Variants in RBFOX1 observed in about 807,000 individuals in gnomAD.
The protein encoded by RBFOX1 is RNA binding fox-1 homolog 1.
Under a neutral mutation model 57.7 loss-of-function variants are expected in RBFOX1, and 8 were observed. The observed-to-expected ratio is 0.14, with a 90% CI of 0.08 to 0.25. The LOEUF is 0.25. Among genes scored for constraint, RBFOX1 ranks in the 10% least tolerant of loss-of-function variants. RBFOX1 has a pLI of 1.00. For missense variants in RBFOX1, 611 were observed against 548.5 expected, an observed-to-expected ratio of 1.11 and a Z score of -1.14; for synonymous variants, 326 against 222.4, an observed-to-expected ratio of 1.47 and a Z score of -4.15.
Position 6,548,950 on chromosome 16 carries a change from C to T in RBFOX1, c.-63-105653C>T, listed in dbSNP as rs957468620. Among the ~76,000 whole-genome samples, 67 of 150,910 alleles carry T rather than the reference C, an allele frequency of 4.4e-4. 1 individual carries two copies. The highest frequency in any genetic ancestry group is 6.9e-3 in the Middle Eastern group (2 of 290). On this transcript the variant is annotated intron_variant, in intron 2 of 15. Transcript: ENST00000550418. The stretch of plus-strand genomic sequence containing the variant: ...AATTAGCTGGGCATGGTGGCGGCGC[C>T]TGTAATCCCAGGTACTCAAGTGGCT...
chr16:6,942,795 C>G (rs988123066), intron 3 of RBFOX1, among the ~76,000 whole-genome samples: 2 of 152,168 alleles, frequency 1.3e-5, no homozygotes, highest in Non-Finnish European at 2.9e-5. Flanking sequence ...TATATATTGT[C>G]TCCAAGTCAT....
chr16:6,602,417 G>A (rs1475879350), intron 2 of RBFOX1, among the ~76,000 whole-genome samples: 1 of 152,152 alleles, frequency 6.6e-6, no homozygotes, highest in African/African-American at 2.4e-5. Context: ...TCTGAGTATA[G>A]GATGGTCTCT....
chr16:6,162,405 G>A (rs2096886406), intron 1 of RBFOX1, among the ~76,000 whole-genome samples: 1 of 152,166 alleles, frequency 6.6e-6, no homozygotes, highest in Non-Finnish European at 1.5e-5. Flanking sequence ...GTGAGCCACT[G>A]CACCTGGCCC....
At chr16:7,670,466 G>A (rs543757350) in intron 13 of RBFOX1, among the ~76,000 whole-genome samples, 3 of 152,296 alleles carry the variant, frequency 2.0e-5, no homozygotes, top group African/African-American at 4.8e-5. Flanking sequence ...AAGTCATTGC[G>A]CTAGTTGAGC....
At chr16:5,395,242 C>A (rs1203136089) in intron 1 of RBFOX1, among the ~76,000 whole-genome samples, 1 of 152,252 alleles carries the variant, frequency 6.6e-6, no homozygotes, top group Non-Finnish European at 1.5e-5. Flanking sequence ...ACTAACTCTT[C>A]CTTGAAGGCC....
At chr16:5,358,732 C>T (rs527914358) in intron 1 of RBFOX1, among the ~76,000 whole-genome samples, 1 of 152,272 alleles carries the variant, frequency 6.6e-6, no homozygotes, top group African/African-American at 2.4e-5. Flanking sequence ...GAGGTTGAGG[C>T]AGGAGAATCG....
intron 3 of RBFOX1, among the ~76,000 whole-genome samples, chr16:6,718,376 C>A (rs566765239): frequency 6.6e-6 from 1 of 152,108 alleles, no homozygotes; most frequent in African/African-American, 2.4e-5. Flanking sequence ...AAGGAAGTAA[C>A]TCTAGCTGAA....
intron 1 of RBFOX1, among the ~76,000 whole-genome samples, chr16:6,214,506 GA>G (rs1844666923): frequency 7.7e-6 from 1 of 129,982 alleles, no homozygotes; most frequent in Non-Finnish European, 1.6e-5. Flanking sequence ...GGGAGAGAGG[GA>G]AAAGTGGAGA....
At chr16:5,742,546 C>T (rs974279579) in intron 3 of RBFOX1, among the ~76,000 whole-genome samples, 7 of 152,164 alleles carry the variant, frequency 4.6e-5, no homozygotes, top group South Asian at 4.1e-4. Context: ...TTGCATCCTC[C>T]GGTGCCATAA....
chr16:6,811,279 A>G (rs1167031147), intron 3 of RBFOX1, among the ~76,000 whole-genome samples: 3 of 152,254 alleles, frequency 2.0e-5, no homozygotes, highest in African/African-American at 7.2e-5. Flanking sequence ...AAAAGAAGAG[A>G]AATAGAATTA....
At chr16:6,158,752 T>G (rs1341161387) in intron 1 of RBFOX1, among the ~76,000 whole-genome samples, 3 of 152,200 alleles carry the variant, frequency 2.0e-5, no homozygotes, top group African/African-American at 7.2e-5. Context: ...TTTCTGCATT[T>G]AAATATTATG....
chr16:7,080,044 ATATATATATACATAT>A (rs1173926835), intron 4 of RBFOX1, among the ~76,000 whole-genome samples: 3 of 144,858 alleles, frequency 2.1e-5, no homozygotes, highest in Non-Finnish European at 1.5e-5. Context: ...ATATAGATGT[ATATATATATACATAT>A]TATATATATA....
intron 2 of RBFOX1, among the ~76,000 whole-genome samples, chr16:5,536,829 A>G (rs933118187): frequency 4.6e-5 from 7 of 152,184 alleles, no homozygotes; most frequent in Non-Finnish European, 1.5e-5. Flanking sequence ...GAGTTGGTCA[A>G]CAGACAGCAG....
intron 1 of RBFOX1, among the ~76,000 whole-genome samples, chr16:5,427,011 C>T (rs915011863): frequency 3.3e-5 from 5 of 152,120 alleles, no homozygotes; most frequent in Non-Finnish European, 5.9e-5. Context: ...GCCCTCAGCA[C>T]CCAGCTCCTT....
At chr16:6,785,982 C>G (rs138242516) in intron 3 of RBFOX1, among the ~76,000 whole-genome samples, 1 of 152,170 alleles carries the variant, frequency 6.6e-6, no homozygotes, top group South Asian at 2.1e-4. Flanking sequence ...GACCATCCTT[C>G]CAAATAGCTG....
chr16:7,216,776 C>T (rs2092122482), intron 4 of RBFOX1, among the ~76,000 whole-genome samples: 1 of 152,164 alleles, frequency 6.6e-6, no homozygotes, highest in Non-Finnish European at 1.5e-5. Context: ...CTTTTCATTA[C>T]AGAAAAATTC....
rs549023924 is a variant in RBFOX1 at position 5,724,759 on chromosome 16, C to T, written c.318+125798C>T. The stretch of plus-strand genomic sequence containing the variant: ...CAAGTTCTGAGTACCTACCAAGTAC[C>T]TGGCACCATACTGGGTGCTTATATT... On this transcript the variant is annotated intron_variant, in intron 3 of 19. Transcript: ENST00000641259. 2.4e-3 allele frequency among the ~76,000 whole-genome samples: 358 copies of T among 152,268 alleles called. 4 individuals carry two copies. Among genetic ancestry groups the T allele is most frequent in the South Asian group, 7.9e-3 (38 of 4,816 alleles).
chr16:5,698,034 C>G (rs1488906647), intron 3 of RBFOX1, among the ~76,000 whole-genome samples: 1 of 152,060 alleles, frequency 6.6e-6, no homozygotes, highest in Non-Finnish European at 1.5e-5. Context: ...GGTGAATTAC[C>G]TTAATAGGAG....
chr16:6,988,741 TTGTTTGTTTG>T (rs1568246026), intron 3 of RBFOX1, among the ~76,000 whole-genome samples: 1 of 50,972 alleles, frequency 2.0e-5, no homozygotes, highest in Non-Finnish European at 4.1e-5. Context: ...ATTTTTTTTT[TTGTTTGTTTG>T]TTTTTTGTTT....
Sources: allele counts gnomAD v4.1 joint callset (sites outside exome capture counted in the v4.1 genomes callset), GRCh38; gene constraint gnomAD v4.1.1; transcripts MANE v1.5; gene names NCBI Gene and HGNC (gene_info 2026-07-23, HGNC 2026-07-21).